Variants in MIS18A observed in about 807,000 individuals in gnomAD.
MIS18A encodes MIS18 kinetochore protein A, also known as protein Mis18-alpha.
Under a neutral mutation model 25.0 loss-of-function variants are expected in MIS18A, and 14 were observed. The ratio of observed to expected loss-of-function variants is 0.56; its 90% CI spans 0.37 to 0.88. MIS18A has a LOEUF of 0.88. Among genes scored for constraint, MIS18A ranks in the 40% least tolerant of loss-of-function variants. The probability of loss-of-function intolerance (pLI) is 0.00; values close to 1 mark genes in which losing one functional copy is unlikely to be tolerated. For missense variants in MIS18A, 292 were observed against 290.8 expected, an observed-to-expected ratio of 1.00 and a Z score of -0.03; for synonymous variants, 134 against 118.6, an observed-to-expected ratio of 1.13 and a Z score of -0.84.
chr21:32,213,584 C>G, the MIS18A span, among the ~76,000 whole-genome samples: 80,148 of 152,058 alleles, frequency 0.53, 23,008 homozygotes, highest in African/African-American at 0.77. Context: ...TTTCTGCACT[C>G]TGTACCCTTT....
chr21:32,205,339 T>G, the MIS18A span, among the ~76,000 whole-genome samples: 1 of 151,896 alleles, frequency 6.6e-6, no homozygotes, highest in African/African-American at 2.4e-5. Flanking sequence ...CTCCTGACCT[T>G]GTGATCTGCC....
At chr21:32,160,633 G>C in the MIS18A span, among the ~76,000 whole-genome samples, 38 of 149,074 alleles carry the variant, frequency 2.5e-4, no homozygotes, top group African/African-American at 9.8e-4. Context: ...GTAGATGAGA[G>C]ACAAGTGGTT....
the MIS18A span, among the ~76,000 whole-genome samples, chr21:32,170,443 A>G: frequency 2.0e-5 from 3 of 152,180 alleles, no homozygotes; most frequent in East Asian, 1.9e-4. Flanking sequence ...ATATTTATAT[A>G]GAAAATATAA....
At chr21:32,205,128 A>G in the MIS18A span, among the ~76,000 whole-genome samples, 1 of 103,580 alleles carries the variant, frequency 9.7e-6, no homozygotes, top group Non-Finnish European at 1.8e-5. Context: ...TTTTTGAGAC[A>G]GAGTCTCACT....
the MIS18A span, among the ~76,000 whole-genome samples, chr21:32,184,345 G>C: frequency 6.6e-6 from 1 of 152,222 alleles, no homozygotes; most frequent in Non-Finnish European, 1.5e-5. Flanking sequence ...AGATAAAAGA[G>C]GAGGCGACAA....
At chr21:32,200,917 G>A in the MIS18A span, among the ~76,000 whole-genome samples, 1 of 152,162 alleles carries the variant, frequency 6.6e-6, no homozygotes, top group African/African-American at 2.4e-5. Context: ...GAGAACCAGA[G>A]GATGACGAAG....
the MIS18A span, among the ~76,000 whole-genome samples, chr21:32,254,774 C>T: frequency 2.0e-4 from 30 of 151,974 alleles, no homozygotes; most frequent in African/African-American, 6.8e-4. Context: ...CATCTTAATC[C>T]GGGCCCAGAT....
At chr21:32,215,395 C>T in the MIS18A span, among the ~76,000 whole-genome samples, 1 of 152,184 alleles carries the variant, frequency 6.6e-6, no homozygotes, top group Admixed American at 6.5e-5. Context: ...AGCATCTCCA[C>T]TGGCTATTGC....
chr21:32,200,718 G>A, the MIS18A span, among the ~76,000 whole-genome samples: 10 of 152,070 alleles, frequency 6.6e-5, no homozygotes, highest in African/African-American at 1.9e-4. Context: ...GATTACAGGC[G>A]TGAGCCACCG....
At chr21:32,233,080 C>T in the MIS18A span, among the ~76,000 whole-genome samples, 7 of 152,114 alleles carry the variant, frequency 4.6e-5, no homozygotes, top group Non-Finnish European at 8.8e-5. Flanking sequence ...AATAATTGTC[C>T]AGTTTACAAA....
chr21:32,194,312 T>C, the MIS18A span, among the ~76,000 whole-genome samples: 6 of 150,360 alleles, frequency 4.0e-5, no homozygotes, highest in Non-Finnish European at 5.9e-5. Context: ...GGATAAAAAA[T>C]ATTGCATATA....
chr21:32,156,484 T>A, the MIS18A span: 6 of 152,236 alleles, frequency 3.9e-5, no homozygotes, highest in Non-Finnish European at 5.9e-5. Context: ...CAGATTTACA[T>A]GTCTTCAGTT....
chr21:32,216,026 A>G, the MIS18A span, among the ~76,000 whole-genome samples: 2 of 152,156 alleles, frequency 1.3e-5, no homozygotes, highest in Non-Finnish European at 2.9e-5. Context: ...GTGGTGGACT[A>G]AAGACCTCTA....
At chr21:32,259,581 AG>A in the MIS18A span, among the ~76,000 whole-genome samples, 1 of 152,212 alleles carries the variant, frequency 6.6e-6, no homozygotes, top group Non-Finnish European at 1.5e-5. Flanking sequence ...TGAAAGCCAC[AG>A]GTTTCTTTCT....
At chr21:32,161,283 A>G in the MIS18A span, among the ~76,000 whole-genome samples, 2 of 152,138 alleles carry the variant, frequency 1.3e-5, no homozygotes, top group Non-Finnish European at 2.9e-5. Context: ...TTCGGCTGTG[A>G]CCACTTCTCA....
At chr21:32,252,858 T>C in the MIS18A span, among the ~76,000 whole-genome samples, 2 of 152,238 alleles carry the variant, frequency 1.3e-5, no homozygotes, top group Non-Finnish European at 2.9e-5. Flanking sequence ...AGAGAATGAC[T>C]GTGAAATTTC....
chr21:32,205,956 T>C, the MIS18A span, among the ~76,000 whole-genome samples: 3 of 151,790 alleles, frequency 2.0e-5, no homozygotes, highest in East Asian at 5.8e-4. Flanking sequence ...GTTCTTGGGG[T>C]TTTTCTCACC....
At chr21:32,245,919 C>T in the MIS18A span, among the ~76,000 whole-genome samples, 3 of 152,214 alleles carry the variant, frequency 2.0e-5, no homozygotes, top group East Asian at 1.9e-4. Flanking sequence ...AATTGGCTCA[C>T]GGTTCTGCAG....
In MIS18A at chr21:32,268,780, A is replaced by C; in HGVS notation, c.*257T>G. On this transcript the variant is annotated 3_prime_UTR_variant, in exon 5 of 5. Transcript: ENST00000290130. ...ATCATAAAATATAGCTATAGAAGTA[A>C]TTCTACAATTTTGGGTTTTTTTTTT... 1 of 308,172 alleles carries C rather than the reference A, an allele frequency of 3.2e-6. No individual in the cohort carries two copies. The allele number at this position is 308,172 out of a possible 1,614,324, so 19.1% of individuals were successfully genotyped here.
Sources: allele counts gnomAD v4.1 joint callset (sites outside exome capture counted in the v4.1 genomes callset), GRCh38; gene constraint gnomAD v4.1.1; transcripts MANE v1.5; gene names NCBI Gene and HGNC (gene_info 2026-07-23, HGNC 2026-07-21).